LRRC40: variants seen among roughly 807,000 people sequenced by gnomAD.
LRRC40 encodes leucine rich repeat containing 40, also known as leucine-rich repeat-containing protein 40.
A neutral mutation model predicts 72.8 loss-of-function variants in LRRC40; 76 were observed. The ratio of observed to expected loss-of-function variants is 1.04; its 90% CI spans 0.87 to 1.26. LRRC40 has a LOEUF of 1.26. Among genes scored for constraint, LRRC40 ranks in the 50% most tolerant of loss-of-function variants. The pLI is 0.00. For synonymous variants in LRRC40, 243 were observed against 254.2 expected, an observed-to-expected ratio of 0.96 and a Z score of 0.42; for missense variants, 684 against 698.9, an observed-to-expected ratio of 0.98 and a Z score of 0.24.
intron 7 of LRRC40, among the ~76,000 whole-genome samples, chr1:70,174,851 G>A (rs937758156): frequency 2.0e-5 from 3 of 152,000 alleles, no homozygotes; most frequent in Non-Finnish European, 2.9e-5. Flanking sequence ...CTGTGATTAC[G>A]GTTACACAAA....
Position 70,205,551 on chromosome 1 carries a change from C to A in LRRC40, c.-11G>T. ...CTTCAGGCGCGACATGTTCAAAGTCCTAGGTCCAGAAGCTGCAGCCCCACC... is the reference window on the plus strand; with the variant it reads ...CTTCAGGCGCGACATGTTCAAAGTCATAGGTCCAGAAGCTGCAGCCCCACC... On this transcript the variant is annotated 5_prime_UTR_variant, in exon 1 of 15. The change creates a new upstream start codon in the 5' untranslated region. Coordinates refer to ENST00000370952, the MANE Select transcript of LRRC40 (RefSeq NM_017768.5). 3 of 1,583,968 alleles carry A rather than the reference C, an allele frequency of 1.9e-6. No homozygotes were observed. The highest frequency in any genetic ancestry group is 2.6e-6 in the Non-Finnish European group (3 of 1,156,752).
chr1:70,196,459 A>C (rs1668613216), intron 1 of LRRC40, among the ~76,000 whole-genome samples: 1 of 152,176 alleles, frequency 6.6e-6, no homozygotes, highest in Non-Finnish European at 1.5e-5. Context: ...CTGAAGCAGA[A>C]GGATCACTTG....
chr1:70,157,475 T>C (rs576273305), intron 10 of LRRC40, among the ~76,000 whole-genome samples: 59 of 152,228 alleles, frequency 3.9e-4, no homozygotes, highest in Non-Finnish European at 7.5e-4. Context: ...GCTTTTGTGA[T>C]ATCTGTGCCT....
chr1:70,168,220 T>C (rs1667929372), intron 9 of LRRC40, among the ~76,000 whole-genome samples: 1 of 152,096 alleles, frequency 6.6e-6, no homozygotes, highest in African/African-American at 2.4e-5. Context: ...CCCTGATGAG[T>C]AGGGTGAGGA....
At chr1:70,156,334 T>A (rs1338895140) in intron 10 of LRRC40, among the ~76,000 whole-genome samples, 1 of 152,104 alleles carries the variant, frequency 6.6e-6, no homozygotes, top group African/African-American at 2.4e-5. Context: ...AATTTCTCTC[T>A]CCTTTAGTAT....
chr1:70,160,932 G>C (rs1043285555), intron 9 of LRRC40, among the ~76,000 whole-genome samples: 2 of 151,458 alleles, frequency 1.3e-5, no homozygotes, highest in Non-Finnish European at 2.9e-5. Flanking sequence ...CCACACCAAA[G>C]TTAATTACCA....
chr1:70,150,537 G>T (rs1667451028), intron 13 of LRRC40, among the ~76,000 whole-genome samples: 1 of 152,190 alleles, frequency 6.6e-6, no homozygotes, highest in South Asian at 2.1e-4. Flanking sequence ...GCAGTATCTT[G>T]ATAGTGTTTG....
chr1:70,188,849 T>C (rs1240456764), intron 2 of LRRC40, among the ~76,000 whole-genome samples: 1 of 152,198 alleles, frequency 6.6e-6, no homozygotes, highest in Admixed American at 6.5e-5. Flanking sequence ...TTTACAGATG[T>C]GGAGACTAAG....
At chr1:70,177,445 T>A (rs531490445) in intron 6 of LRRC40, among the ~76,000 whole-genome samples, 1 of 152,320 alleles carries the variant, frequency 6.6e-6, no homozygotes, top group African/African-American at 2.4e-5. Flanking sequence ...ATGAAGCTAA[T>A]CATTTCCAGG....
At chr1:70,160,334 G>A (rs1667729340) in intron 9 of LRRC40, among the ~76,000 whole-genome samples, 1 of 152,118 alleles carries the variant, frequency 6.6e-6, no homozygotes, top group African/African-American at 2.4e-5. Context: ...TATTTCTCTT[G>A]CATTGAGCTC....
chr1:70,197,034 C>G (rs1296355501), intron 1 of LRRC40, among the ~76,000 whole-genome samples: 2 of 152,168 alleles, frequency 1.3e-5, no homozygotes, highest in African/African-American at 4.8e-5. Context: ...CATGGCTCAA[C>G]AGAACTTTCT....
chr1:70,146,646 T>C (rs1354568041), intron 14 of LRRC40, among the ~76,000 whole-genome samples: 1 of 152,152 alleles, frequency 6.6e-6, no homozygotes, highest in Non-Finnish European at 1.5e-5. Flanking sequence ...GTATACTAAA[T>C]GGTCAAGTAA....
intron 3 of LRRC40, among the ~76,000 whole-genome samples, chr1:70,186,020 T>G (rs1668351862): frequency 6.6e-6 from 1 of 152,108 alleles, no homozygotes; most frequent in African/African-American, 2.4e-5. Context: ...AAAATAAAAC[T>G]AGTTGGGACA....
chr1:70,152,376 A>C, intron 12 of LRRC40, 57 bp downstream of exon 12: 1 of 905,698 alleles, frequency 1.1e-6, no homozygotes, highest in South Asian at 1.5e-5. Flanking sequence ...AAGTTAGACA[A>C]AACTCAAAGA....
intron 9 of LRRC40, among the ~76,000 whole-genome samples, chr1:70,172,384 TG>T (rs1426694142): frequency 2.6e-5 from 4 of 152,204 alleles, no homozygotes; most frequent in Non-Finnish European, 5.9e-5. Context: ...CCTATCTTTA[TG>T]GAAGTACACC....
chr1:70,169,172 C>T lies in LRRC40; in HGVS notation c.1111+4293G>A, dbSNP rs182517756. 2.4e-4 allele frequency among the ~76,000 whole-genome samples: 36 copies of T among 152,270 alleles called. No homozygotes were observed. The East Asian group carries it at 6.4e-3, about 27-fold the overall frequency. On this transcript the variant is annotated intron_variant, in intron 9 of 14. Coordinates refer to ENST00000370952, the MANE Select transcript of LRRC40 (RefSeq NM_017768.5). ...ACATCCTGTTCCCAAATACCTCGCT[C>T]TGTACACAGCCCCAGCAGCAAGACC...
Position 70,145,566 on chromosome 1 carries a change from T to A in LRRC40, c.*234A>T, listed in dbSNP as rs1443991724. 6.6e-6 allele frequency: 2 copies of A among 302,666 alleles called. No individual in the cohort carries two copies. The highest frequency in any genetic ancestry group is 4.3e-5 in the African/African-American group (2 of 46,358). 18.7% of individuals were successfully genotyped at this position (302,666 alleles called of 1,614,324 possible). A position where few individuals can be genotyped will look rare whatever the true frequency, so the allele number is the denominator to read the frequency against. On this transcript the variant is annotated 3_prime_UTR_variant, in exon 15 of 15. Transcript: ENST00000370952. ...CAAATGTATGAACACATTGTGGTTA[T>A]CACCATTACAAATGTATACAACACC...
At chr1:70,149,067 T>C (rs943284452) in intron 13 of LRRC40, among the ~76,000 whole-genome samples, 1 of 152,204 alleles carries the variant, frequency 6.6e-6, no homozygotes, top group African/African-American at 2.4e-5. Flanking sequence ...TCAAGATTTA[T>C]ATTTTGCTTT....
Position 70,173,455 on chromosome 1 carries a change from T to C in LRRC40, c.1111+10A>G. On this transcript the variant is annotated intron_variant, in intron 9 of 14. Transcript: ENST00000370952. The stretch of plus-strand genomic sequence containing the variant: ...AATCCTTCAAAATATAAGAGAACAT[T>C]TTAAAGTACCTTTGATCTTGCTTCG... The C allele has an allele frequency of 1.3e-6, 2 of 1,582,736 alleles. No individual in the cohort carries two copies. Among genetic ancestry groups the C allele is most frequent in the Non-Finnish European group, 1.7e-6 (2 of 1,152,940 alleles).
Sources: allele counts gnomAD v4.1 joint callset (sites outside exome capture counted in the v4.1 genomes callset), GRCh38; gene constraint gnomAD v4.1.1; transcripts MANE v1.5; gene names NCBI Gene and HGNC (gene_info 2026-07-23, HGNC 2026-07-21).